The following KIRREL3 variants were observed in gnomAD, a reference collection of about 807,000 sequenced individuals.
The protein encoded by KIRREL3 is kin of IRRE-like protein 3.
Under a neutral mutation model 89.7 loss-of-function variants are expected in KIRREL3, and 36 were observed. The observed-to-expected ratio is 0.40, with a 90% CI of 0.31 to 0.53. The LOEUF (loss-of-function observed/expected upper bound fraction) is 0.53. Among genes scored for constraint, KIRREL3 ranks in the 20% least tolerant of loss-of-function variants. The pLI is 0.49. For synonymous variants in KIRREL3, 445 were observed against 441.4 expected (o/e 1.01, Z -0.10); for missense variants, 864 against 1,056.6 (o/e 0.82, Z 2.53).
intron 1 of KIRREL3, among the ~76,000 whole-genome samples, chr11:126,738,912 G>C (rs1360295011): frequency 6.6e-6 from 1 of 152,128 alleles, no homozygotes; most frequent in African/African-American, 2.4e-5. Context: ...TTCCACACAG[G>C]GTCCTAAACA....
chr11:126,470,249 G>A (rs1277938748), intron 5 of KIRREL3, among the ~76,000 whole-genome samples: 1 of 152,216 alleles, frequency 6.6e-6, no homozygotes, highest in Admixed American at 6.5e-5. Flanking sequence ...GACAGGACAG[G>A]TGCTCAGACT....
Position 126,897,925 on chromosome 11 carries a change from A to T in KIRREL3, c.55+102530T>A, listed in dbSNP as rs1261582362. Among the ~76,000 whole-genome samples the T allele has an allele frequency of 6.6e-6, 1 of 152,152 alleles. No homozygotes were observed. Among genetic ancestry groups the T allele is most frequent in the Non-Finnish European group, 1.5e-5 (1 of 68,044 alleles). ...CTGCTGGGACTGCAGAGGACACATCATTCTGCCTCTGCTTGGGAAGGGGGA... is the reference window on the plus strand; with the variant it reads ...CTGCTGGGACTGCAGAGGACACATCTTTCTGCCTCTGCTTGGGAAGGGGGA... On this transcript the variant is annotated intron_variant, in intron 1 of 16. Transcript: ENST00000525144. This position sits in a 1 kb window ranked among gnomAD's most constrained non-coding sequence, Gnocchi z 4.2.
rs1947098229 is a variant in KIRREL3, at chr11:126,917,725, C to A, written c.55+82730G>T. ...ACTAGAAACCACTCACACTAGAAAC[C>A]AATAGTGAGGTGGTTGCCACTATTT... On this transcript the variant is annotated intron_variant, in intron 1 of 16. Coordinates refer to ENST00000525144, the MANE Select transcript of KIRREL3 (RefSeq NM_032531.4). This position sits in a 1 kb window ranked among gnomAD's most constrained non-coding sequence, Gnocchi z 5.0. Among the ~76,000 whole-genome samples the A allele has an allele frequency of 6.6e-6, 1 of 152,102 alleles. No homozygotes were observed.
At chr11:126,631,126 T>TGTATGTATG (rs1429956561) in intron 1 of KIRREL3, among the ~76,000 whole-genome samples, 6 of 32,570 alleles carry the variant, frequency 1.8e-4, no homozygotes, top group African/African-American at 5.8e-4. Context: ...TATGTATGTA[T>TGTATGTATG]TCATTCATTC....
intron 1 of KIRREL3, among the ~76,000 whole-genome samples, chr11:126,801,850 G>A (rs1254307655): frequency 2.6e-5 from 4 of 152,234 alleles, no homozygotes; most frequent in Non-Finnish European, 5.9e-5. Flanking sequence ...CAGGAGGATC[G>A]CGTGATCCCA....
In KIRREL3 at chr11:126,819,377, G is replaced by T. The variant is rs564806489; in HGVS notation, c.55+181078C>A. ...GGAAGCAACTACCTGACATCACTCT[G>T]CCCTGCTTGTCAAGACAAAACAACA... On this transcript the variant is annotated intron_variant, in intron 1 of 16. Coordinates refer to ENST00000525144, the MANE Select transcript of KIRREL3 (RefSeq NM_032531.4). Among the ~76,000 whole-genome samples the T allele has an allele frequency of 9.2e-4, 140 of 152,334 alleles. 2 individuals carry two copies. Among genetic ancestry groups the T allele is most frequent in the African/African-American group, 3.1e-3 (128 of 41,570 alleles).
rs575919319 is a variant in KIRREL3 at position 126,484,436 on chromosome 11, A to G, written c.434-10970T>C. ...AATATCCTTTAATCCTCACAGCTCT[A>G]TATAAGGTAGATACAATGACGATGC... On this transcript the variant is annotated intron_variant, in intron 4 of 16. Coordinates refer to ENST00000525144, the MANE Select transcript of KIRREL3 (RefSeq NM_032531.4). This position sits in a 1 kb window ranked among gnomAD's most constrained non-coding sequence, Gnocchi z 5.2. Among the ~76,000 whole-genome samples, 2 of 152,346 alleles carry G rather than the reference A, an allele frequency of 1.3e-5. No homozygotes were observed. The highest frequency in any genetic ancestry group is 1.9e-4 in the East Asian group (1 of 5,186).
chr11:126,914,480 A>ACTAG (rs1379722315), intron 1 of KIRREL3, among the ~76,000 whole-genome samples: 3 of 152,250 alleles, frequency 2.0e-5, no homozygotes, highest in Admixed American at 6.5e-5. Context: ...TTGTGAGGAC[A>ACTAG]CTAGAGTTCA....
intron 12 of KIRREL3, among the ~76,000 whole-genome samples, chr11:126,436,556 G>C (rs979547599): frequency 1.3e-5 from 2 of 152,234 alleles, no homozygotes; most frequent in African/African-American, 2.4e-5. Flanking sequence ...CTGAAGCATC[G>C]CCCTCAAGGG....
intron 5 of KIRREL3, among the ~76,000 whole-genome samples, chr11:126,472,793 G>A (rs1956935414): frequency 6.6e-6 from 1 of 151,546 alleles, no homozygotes; most frequent in Admixed American, 6.6e-5. Context: ...CAGCATGAAT[G>A]AGAAAAAGTG....
In KIRREL3 at chr11:126,537,180, A is replaced by G. The variant is rs1205384928; in HGVS notation, c.134-10493T>C. Among the ~76,000 whole-genome samples the G allele has an allele frequency of 6.6e-6, 1 of 152,142 alleles. No individual in the cohort carries two copies. Among genetic ancestry groups the G allele is most frequent in the East Asian group, 1.9e-4 (1 of 5,186 alleles). On this transcript the variant is annotated intron_variant, in intron 2 of 16. Transcript: ENST00000525144. This position sits in a 1 kb window ranked among gnomAD's most constrained non-coding sequence, Gnocchi z 4.3. ...GATGGAAATGCTTGTCCTTGCTTCT[A>G]AGGAGCCTGGTGCTGACACATGCAC...
chr11:126,697,212 A>C lies in KIRREL3; in HGVS notation c.56-134300T>G, dbSNP rs1376481294. 6.6e-6 allele frequency among the ~76,000 whole-genome samples: 1 copy of C among 152,132 alleles called. No homozygotes were observed. The highest frequency in any genetic ancestry group is 1.5e-5 in the Non-Finnish European group (1 of 68,046). ...ACAGCCCTCCTTAATTACAATTGTA[A>C]TTGTTTATGTGCTTGTTTATGCGGG... On this transcript the variant is annotated intron_variant, in intron 1 of 16. Coordinates refer to ENST00000525144, the MANE Select transcript of KIRREL3 (RefSeq NM_032531.4). The surrounding 1 kb of genome is among the most constrained non-coding windows in gnomAD (Gnocchi z 4.2).
At chr11:126,982,307 G>C (rs1038959624) in intron 1 of KIRREL3, among the ~76,000 whole-genome samples, 1 of 152,252 alleles carries the variant, frequency 6.6e-6, no homozygotes, top group Non-Finnish European at 1.5e-5. Flanking sequence ...GTTGGACTCA[G>C]AGACCCATCT....
At chr11:126,856,494 C>A (rs1944512633) in intron 1 of KIRREL3, among the ~76,000 whole-genome samples, 1 of 150,596 alleles carries the variant, frequency 6.6e-6, no homozygotes, top group Admixed American at 6.6e-5. Context: ...AACTCATAAT[C>A]TCAACAGCCA....
rs1412060995 is a variant in KIRREL3, at chr11:126,830,757, T to C, written c.55+169698A>G. On this transcript the variant is annotated intron_variant, in intron 1 of 16. Coordinates refer to ENST00000525144, the MANE Select transcript of KIRREL3 (RefSeq NM_032531.4). This position sits in a 1 kb window ranked among gnomAD's most constrained non-coding sequence, Gnocchi z 4.9. ...GCTCTTGAAATGATTTCTTCTCAAA[T>C]AGTGCACTCCCTGTGCCAAGGAGGG... Among the ~76,000 whole-genome samples the C allele has an allele frequency of 1.3e-5, 2 of 152,190 alleles. No homozygotes were observed. Among genetic ancestry groups the C allele is most frequent in the East Asian group, 1.9e-4 (1 of 5,184 alleles).
intron 1 of KIRREL3, among the ~76,000 whole-genome samples, chr11:126,629,359 T>G (rs966504807): frequency 5.3e-5 from 8 of 152,110 alleles, no homozygotes; most frequent in African/African-American, 1.9e-4. Flanking sequence ...GCCAGCCTTG[T>G]GAGCTTCCTG....
intron 1 of KIRREL3, among the ~76,000 whole-genome samples, chr11:126,633,885 G>A (rs7945915): frequency 0.31 from 47,070 of 152,098 alleles, 7,629 homozygotes; most frequent in East Asian, 0.43. Flanking sequence ...AACAGGAAGA[G>A]CATAAGTAAC....
intron 9 of KIRREL3, among the ~76,000 whole-genome samples, chr11:126,446,300 T>TTCTTTCTTTCTTTCTTTCTTTCTC (rs1565457865): frequency 6.0e-5 from 9 of 148,788 alleles, no homozygotes; most frequent in African/African-American, 2.0e-4. Flanking sequence ...CTTTCTTTCT[T>TTCTTTCTTTCTTTCTTTCTTTCTC]TCTCTCTCTC....
Position 126,897,323 on chromosome 11 carries a change from A to T in KIRREL3, c.55+103132T>A, listed in dbSNP as rs1946205626. On this transcript the variant is annotated intron_variant, in intron 1 of 16. Coordinates refer to ENST00000525144, the MANE Select transcript of KIRREL3 (RefSeq NM_032531.4). The surrounding 1 kb of genome is among the most constrained non-coding windows in gnomAD (Gnocchi z 4.2). ...GACTGAGGGGACAGTCATGAGGGGGAGATGACACAGTTTAGGACAGGCTTC... is the reference window on the plus strand; with the variant it reads ...GACTGAGGGGACAGTCATGAGGGGGTGATGACACAGTTTAGGACAGGCTTC... 6.6e-6 allele frequency among the ~76,000 whole-genome samples: 1 copy of T among 152,040 alleles called. No homozygotes were observed. Among genetic ancestry groups the T allele is most frequent in the African/African-American group, 2.4e-5 (1 of 41,410 alleles).
Sources: allele counts gnomAD v4.1 joint callset (sites outside exome capture counted in the v4.1 genomes callset), GRCh38; gene constraint gnomAD v4.1.1; non-coding constraint Gnocchi (gnomAD v3.1); transcripts MANE v1.5; gene names NCBI Gene and HGNC (gene_info 2026-07-23, HGNC 2026-07-21).